Variants in PCDH9 observed in about 807,000 individuals in gnomAD.
PCDH9 encodes protocadherin-9.
PCDH9 carries 24 observed loss-of-function variants against 70.6 expected under a neutral mutation model. That is an observed-to-expected ratio of 0.34 (90% CI 0.25 to 0.48). PCDH9 has a LOEUF of 0.48. PCDH9 is among the 20% of genes least tolerant of loss of function. PCDH9 has a pLI of 0.99. For missense variants in PCDH9, 1,281 were observed against 1,503.6 expected (o/e 0.85, Z 2.45); for synonymous variants, 562 against 558.5 (o/e 1.01, Z -0.09).
At position 67,110,387 on chromosome 13, in the gene PCDH9, G is replaced by A. The variant is rs182207227; in HGVS notation, c.3036+115018C>T. 2.8e-3 allele frequency among the ~76,000 whole-genome samples: 422 copies of A among 151,680 alleles called. 1 individual carries two copies. Among genetic ancestry groups the A allele is most frequent in the African/African-American group, 8.8e-3 (363 of 41,376 alleles). On this transcript the variant is annotated intron_variant, in intron 2 of 4. Coordinates refer to ENST00000377865, the MANE Select transcript of PCDH9 (RefSeq NM_203487.3). The stretch of plus-strand genomic sequence containing the variant: ...AAAATTAGCCGGGGTGGCAGCATGC[G>A]CCTGTAGTCCCAGCTACTCAGCAGG...
chr13:66,976,148 T>G (rs1350661954), intron 2 of PCDH9, among the ~76,000 whole-genome samples: 1 of 152,132 alleles, frequency 6.6e-6, no homozygotes, highest in Non-Finnish European at 1.5e-5. Flanking sequence ...TGCTGCCTAC[T>G]GTCTCATCCA....
chr13:66,373,518 T>G (rs1194932529), intron 4 of PCDH9, among the ~76,000 whole-genome samples: 3 of 151,922 alleles, frequency 2.0e-5, no homozygotes, highest in African/African-American at 7.2e-5. Context: ...GCAACTAAAT[T>G]TTTTAATTAA....
chr13:66,465,216 A>G (rs1258893841), intron 4 of PCDH9, among the ~76,000 whole-genome samples: 1 of 151,958 alleles, frequency 6.6e-6, no homozygotes, highest in Admixed American at 6.6e-5. Context: ...ATAACCTTGA[A>G]TGATCTTAAT....
At chr13:66,806,324 T>C (rs376363471) in intron 3 of PCDH9, among the ~76,000 whole-genome samples, 1 of 152,056 alleles carries the variant, frequency 6.6e-6, no homozygotes, top group East Asian at 1.9e-4. Flanking sequence ...TAGCCCCAGG[T>C]GGTATAATCT....
intron 2 of PCDH9, among the ~76,000 whole-genome samples, chr13:67,043,320 G>A (rs1370220315): frequency 1.3e-5 from 2 of 152,100 alleles, no homozygotes; most frequent in Non-Finnish European, 2.9e-5. Flanking sequence ...GAGTGATTGT[G>A]GCATGAAGCA....
At chr13:66,891,965 G>C (rs566637823) in intron 3 of PCDH9, among the ~76,000 whole-genome samples, 26 of 151,776 alleles carry the variant, frequency 1.7e-4, no homozygotes, top group Non-Finnish European at 3.4e-4. Flanking sequence ...AAAACAGTTT[G>C]TGCTGGCATT....
intron 2 of PCDH9, among the ~76,000 whole-genome samples, chr13:66,942,435 C>T (rs997617025): frequency 2.6e-4 from 39 of 151,822 alleles, no homozygotes; most frequent in Non-Finnish European, 4.4e-4. Flanking sequence ...AAAACCTCTA[C>T]CCATGTTGAT....
intron 3 of PCDH9, among the ~76,000 whole-genome samples, chr13:66,873,851 T>C (rs2081743396): frequency 6.6e-6 from 1 of 152,150 alleles, no homozygotes; most frequent in Non-Finnish European, 1.5e-5. Flanking sequence ...TAATACTTTA[T>C]ATATGATCTG....
rs145305119 is a variant in PCDH9 at position 66,988,330 on chromosome 13, C to G, written c.3037-84725G>C. ...AACACGTAGTCTGATGTTTACATAA[C>G]AAAATATCACTTTTGGCATGTTTGC... is the stretch of plus-strand genomic sequence containing the variant. On this transcript the variant is annotated intron_variant, in intron 2 of 4. Transcript: ENST00000377865. Among the ~76,000 whole-genome samples the G allele has an allele frequency of 9.2e-5, 14 of 152,070 alleles. No homozygotes were observed. The East Asian group carries it at 2.7e-3, about 29-fold the overall frequency.
chr13:66,980,600 T>C (rs1356593588), intron 2 of PCDH9, among the ~76,000 whole-genome samples: 4 of 152,004 alleles, frequency 2.6e-5, no homozygotes, highest in Admixed American at 2.6e-4. Flanking sequence ...CATATGTTTT[T>C]ATTTTTCCAT....
At chr13:66,705,210 T>C (rs925376446) in intron 3 of PCDH9, among the ~76,000 whole-genome samples, 9 of 152,168 alleles carry the variant, frequency 5.9e-5, no homozygotes, top group Non-Finnish European at 1.2e-4. Flanking sequence ...TTTTACATTA[T>C]AGAAATATTA....
At chr13:66,338,882 G>A (rs79969245) in intron 4 of PCDH9, among the ~76,000 whole-genome samples, 9 of 150,346 alleles carry the variant, frequency 6.0e-5, no homozygotes, top group African/African-American at 2.4e-5. Context: ...TGGTAGAAGA[G>A]AAAAAAAAAG....
At chr13:66,845,687 A>C (rs7989069) in intron 3 of PCDH9, among the ~76,000 whole-genome samples, 1 of 151,988 alleles carries the variant, frequency 6.6e-6, no homozygotes, top group Admixed American at 6.5e-5. Flanking sequence ...TGCCAACTGC[A>C]CCTCCCTCAC....
intron 2 of PCDH9, among the ~76,000 whole-genome samples, chr13:67,122,902 C>T (rs9317642): frequency 0.92 from 139,811 of 151,892 alleles, 64,468 homozygotes; most frequent in East Asian, 0.98. Context: ...GATTAGTTTA[C>T]CCATGATATT....
rs533261961 is a variant in PCDH9, at chr13:67,204,509, T to A, written c.3036+20896A>T. 6.6e-5 allele frequency: 10 copies of A among 152,268 alleles called. 1 individual carries two copies. In the East Asian group the frequency reaches 1.5e-3, roughly 23 times the overall value. The allele number at this position is 152,268 out of a possible 1,614,324, so 9.4% of individuals were successfully genotyped here. A position where few individuals can be genotyped will look rare whatever the true frequency, so the allele number is the denominator to read the frequency against. On this transcript the variant is annotated intron_variant, in intron 2 of 4. Coordinates refer to ENST00000377865, the MANE Select transcript of PCDH9 (RefSeq NM_203487.3). ...TCAACTGCCTAGAATTGATGTATAT[T>A]AATCCATAATTGTGGAGGTAGAAAA...
intron 4 of PCDH9, among the ~76,000 whole-genome samples, chr13:66,579,886 C>T (rs1410349221): frequency 6.6e-6 from 1 of 150,840 alleles, no homozygotes; most frequent in Admixed American, 6.6e-5. Flanking sequence ...TCAAAGACCC[C>T]TCACTGGAGC....
chr13:66,540,448 C>A (rs912157233), intron 4 of PCDH9, among the ~76,000 whole-genome samples: 1 of 152,070 alleles, frequency 6.6e-6, no homozygotes, highest in African/African-American at 2.4e-5. Context: ...GCTGCATGAA[C>A]ACCATAAGCA....
intron 4 of PCDH9, among the ~76,000 whole-genome samples, chr13:66,345,077 C>A (rs1459390868): frequency 6.6e-6 from 1 of 152,162 alleles, no homozygotes; most frequent in Non-Finnish European, 1.5e-5. Flanking sequence ...CAGCTCTGTG[C>A]TCCATGCCTT....
intron 4 of PCDH9, among the ~76,000 whole-genome samples, chr13:66,439,422 A>T (rs1195377285): frequency 6.6e-6 from 1 of 152,218 alleles, no homozygotes; most frequent in Non-Finnish European, 1.5e-5. Flanking sequence ...ATTTTCTAAG[A>T]GTAGATTTCA....
Sources: gnomAD v4.1 joint callset for allele counts (sites outside exome capture counted in the v4.1 genomes callset) on GRCh38, gnomAD v4.1.1 for gene constraint, MANE v1.5 for transcripts, NCBI Gene and HGNC (gene_info 2026-07-23, HGNC 2026-07-21) for gene names.